Variants in MYO16 observed in about 807,000 individuals in gnomAD.
MYO16 encodes the protein myosin XVI, also known as unconventional myosin-XVI.
MYO16 carries 94 observed loss-of-function variants against 205.3 expected under a neutral mutation model. The observed-to-expected ratio is 0.46, with a 90% CI of 0.39 to 0.54. The LOEUF is 0.54. Ranked by LOEUF, MYO16 falls within the 20% of genes least tolerant of loss-of-function variation. MYO16 has a pLI of 0.00. For synonymous variants in MYO16, 988 were observed against 954.0 expected (o/e 1.04, Z -0.66); for missense variants, 2,315 against 2,387.5 (o/e 0.97, Z 0.63).
At chr13:108,878,162 C>T (rs753980302) in intron 12 of MYO16, among the ~76,000 whole-genome samples, 24 of 152,200 alleles carry the variant, frequency 1.6e-4, no homozygotes, top group East Asian at 9.7e-4. Context: ...AGCAGTTCCC[C>T]GGCAAAGGCC....
intron 2 of MYO16, among the ~76,000 whole-genome samples, chr13:108,702,361 CA>C (rs1424686043): frequency 6.6e-6 from 1 of 152,162 alleles, no homozygotes; most frequent in Non-Finnish European, 1.5e-5. Flanking sequence ...GACTTCTAAT[CA>C]GAAACCATGG....
rs370167848 is a variant in MYO16 at position 109,127,257 on chromosome 13, T to C, written c.3783-25T>C. 5 of 1,548,958 alleles carry C rather than the reference T, an allele frequency of 3.2e-6. No individual in the cohort carries two copies. Among genetic ancestry groups the C allele is most frequent in the South Asian group, 1.2e-5 (1 of 82,196 alleles). On this transcript the variant is annotated intron_variant, in intron 30 of 34. Coordinates refer to ENST00000457511, the MANE Select transcript of MYO16 (RefSeq NM_001198950.3). This position sits in a 1 kb window ranked among gnomAD's most constrained non-coding sequence, Gnocchi z 4.2. ...CATCTGGGCCTCTCTGGCGTGGTGCTGTTTGTGTTTTGTTTCCCCCTAAGA... is the reference window on the plus strand; with the variant it reads ...CATCTGGGCCTCTCTGGCGTGGTGCCGTTTGTGTTTTGTTTCCCCCTAAGA...
intron 1 of MYO16, among the ~76,000 whole-genome samples, chr13:108,655,473 G>A (rs889918356): frequency 8.5e-5 from 13 of 152,196 alleles, no homozygotes; most frequent in South Asian, 2.1e-4. Context: ...CTGCGGCAGC[G>A]GCGTGGCCCT....
At chr13:108,553,950 C>T in the MYO16 span, among the ~76,000 whole-genome samples, 1 of 152,286 alleles carries the variant, frequency 6.6e-6, no homozygotes, top group African/African-American at 2.4e-5. Flanking sequence ...TAGCCTGTCT[C>T]CCCCTGTGCT....
chr13:108,632,534 T>C (rs1008814069), intron 1 of MYO16, among the ~76,000 whole-genome samples: 6 of 152,140 alleles, frequency 3.9e-5, no homozygotes, highest in African/African-American at 1.2e-4. Context: ...GGTGAAAAAA[T>C]TATACGCTTC....
chr13:108,958,557 G>A (rs188584131), intron 17 of MYO16, among the ~76,000 whole-genome samples: 22 of 152,282 alleles, frequency 1.4e-4, no homozygotes, highest in African/African-American at 4.8e-4. Flanking sequence ...GACCTGCATG[G>A]TGCTGTACCA....
At chr13:108,834,311 A>T (rs1315851009) in intron 9 of MYO16, among the ~76,000 whole-genome samples, 2 of 152,062 alleles carry the variant, frequency 1.3e-5, no homozygotes, top group Non-Finnish European at 2.9e-5. Context: ...CTCCACAAAA[A>T]CTGGGAAATA....
rs1281421655 is a variant in MYO16 at position 108,657,753 on chromosome 13, A to G, written c.29-8133A>G. On this transcript the variant is annotated intron_variant, in intron 1 of 34. Coordinates refer to ENST00000457511, the MANE Select transcript of MYO16 (RefSeq NM_001198950.3). ...ATAGGGTGTGTTGGTTTCTCTATGT[A>G]GCTAACAGTATTTACAATAATAACT... 2.6e-5 allele frequency among the ~76,000 whole-genome samples: 4 copies of G among 152,182 alleles called. No individual in the cohort carries two copies. The East Asian group carries it at 7.7e-4, about 29-fold the overall frequency.
chr13:109,165,017 T>C lies in MYO16; in HGVS notation c.5281T>C (p.Ser1761Pro), dbSNP rs947627699. The C allele has an allele frequency of 3.1e-6, 5 of 1,601,036 alleles. No individual in the cohort carries two copies. The highest frequency in any genetic ancestry group is 2.6e-6 in the Non-Finnish European group (3 of 1,174,956). Reference protein sequence around the residue: ...NHGIQLSNSLSSAITAENGNS... With the variant: ...NHGIQLSNSLPSAITAENGNS... Reference sequence around the variant, plus strand: ...TGGAATTCAGTTATCTAATTCACTATCTAGTGCTATAACTGCTGAAAATGG... The same window carrying C: ...TGGAATTCAGTTATCTAATTCACTACCTAGTGCTATAACTGCTGAAAATGG... The change falls in exon 33 of 35, where the codon TCT becomes CCT. Residue 1761 changes from serine to proline, a missense_variant. This residue lies in a region of MYO16 where 1,097 missense variants were observed against 1,092.0 expected (regional missense o/e 1.00). Coordinates refer to ENST00000457511, the MANE Select transcript of MYO16 (RefSeq NM_001198950.3).
At chr13:109,100,759 C>G in intron 27 of MYO16, 26 bp from the exon 28 acceptor site, 41 of 1,568,226 alleles carry the variant, frequency 2.6e-5, no homozygotes, top group Non-Finnish European at 3.1e-5. Context: ...GCAGTCATTG[C>G]TTTCTGTCTC....
At chr13:108,723,982 T>C (rs1884252486) in intron 3 of MYO16, among the ~76,000 whole-genome samples, 1 of 152,186 alleles carries the variant, frequency 6.6e-6, no homozygotes, top group Non-Finnish European at 1.5e-5. Flanking sequence ...TATTTAGGTT[T>C]AAAAAATTAT....
intron 2 of MYO16, among the ~76,000 whole-genome samples, chr13:108,709,579 T>G (rs1370667045): frequency 7.4e-6 from 1 of 134,970 alleles, no homozygotes; most frequent in Non-Finnish European, 1.6e-5. Context: ...ACACGTAAGG[T>G]ACTCAGTACA....
chr13:108,551,629 ATT>A, the MYO16 span, among the ~76,000 whole-genome samples: 1 of 151,914 alleles, frequency 6.6e-6, no homozygotes, highest in Non-Finnish European at 1.5e-5. Flanking sequence ...ACATGATCAT[ATT>A]TTTTTGCTCC....
chr13:108,727,404 T>A (rs1884376654), intron 3 of MYO16, 36 bp from the exon 4 acceptor site: 3 of 1,598,294 alleles, frequency 1.9e-6, no homozygotes, highest in Non-Finnish European at 2.6e-6. Flanking sequence ...TCACAGTTTG[T>A]AATAATTTGA....
In MYO16 at chr13:109,021,887, T is replaced by C. The variant is rs917798030; in HGVS notation, c.2796+1976T>C. On this transcript the variant is annotated intron_variant, in intron 23 of 34. Coordinates refer to ENST00000457511, the MANE Select transcript of MYO16 (RefSeq NM_001198950.3). The stretch of plus-strand genomic sequence containing the variant: ...AGCAGAGGGCCTGATACAGGAGATA[T>C]TGGTATCATAGAAACCAAGAGAAAT... 3.2e-4 allele frequency among the ~76,000 whole-genome samples: 49 copies of C among 151,764 alleles called. 1 individual carries two copies. The highest frequency in any genetic ancestry group is 2.8e-3 in the Admixed American group (42 of 15,142).
intron 1 of MYO16, among the ~76,000 whole-genome samples, chr13:108,617,674 A>C (rs564187675): frequency 6.6e-6 from 1 of 152,236 alleles, no homozygotes; most frequent in African/African-American, 2.4e-5. Context: ...ATAAATAGAG[A>C]CTAGGATCCA....
the MYO16 span, among the ~76,000 whole-genome samples, chr13:108,546,143 A>G: frequency 4.6e-5 from 7 of 152,298 alleles, no homozygotes; most frequent in African/African-American, 1.7e-4. Flanking sequence ...AGTCTATGAT[A>G]CAGGAGAGAC....
At chr13:108,535,196 T>A in the MYO16 span, among the ~76,000 whole-genome samples, 1 of 152,118 alleles carries the variant, frequency 6.6e-6, no homozygotes, top group African/African-American at 2.4e-5. Context: ...ACTCTTTGAA[T>A]GGGGAAATAA....
chr13:108,567,094 C>CA, the MYO16 span, among the ~76,000 whole-genome samples: 925 of 152,140 alleles, frequency 6.1e-3, 14 homozygotes, highest in African/African-American at 0.021. Context: ...CAGAAAACAA[C>CA]AAACTGTAGG....
Sources: allele counts gnomAD v4.1 joint callset (sites outside exome capture counted in the v4.1 genomes callset), GRCh38; gene constraint gnomAD v4.1.1; regional missense constraint gnomAD v4.1.1; non-coding constraint Gnocchi (gnomAD v3.1); transcripts MANE v1.5; gene names NCBI Gene and HGNC (gene_info 2026-07-23, HGNC 2026-07-21).